The following ACVR2A variants were observed in gnomAD, a reference collection of about 807,000 sequenced individuals.
ACVR2A encodes the protein activin A receptor type 2A.
A neutral mutation model predicts 61.4 loss-of-function variants in ACVR2A; 7 were observed. The ratio of observed to expected loss-of-function variants is 0.11; its 90% confidence interval spans 0.06 to 0.21. The LOEUF is 0.21. ACVR2A is among the 10% of genes least tolerant of loss of function. The probability of loss-of-function intolerance (pLI) is 1.00; values close to 1 mark genes in which losing one functional copy is unlikely to be tolerated. For missense variants in ACVR2A, 322 were observed against 621.7 expected (o/e 0.52, Z 5.13); for synonymous variants, 193 against 208.3 (o/e 0.93, Z 0.63).
chr2:147,927,232 G>A lies in ACVR2A; in HGVS notation c.1500G>A (p.Met500Ile). ...AGGACATTGTAACAGTGGTCACAAT[G>A]GTGACAAATGTTGACTTTCCTCCCA... ...TTEDIVTVVTMVTNVDFPPKE... is the reference protein window; with the variant it reads ...TTEDIVTVVTIVTNVDFPPKE... Residue 500 changes from methionine (M) to isoleucine (I), a missense_variant, in exon 11 of 11, where the codon ATG becomes ATA. Coordinates refer to ENST00000241416, the MANE Select transcript of ACVR2A (RefSeq NM_001616.5). The A allele has an allele frequency of 6.2e-7, 1 of 1,611,678 alleles. No individual in the cohort carries two copies. The highest frequency in any genetic ancestry group is 8.5e-7 in the Non-Finnish European group (1 of 1,178,568).
intron 1 of ACVR2A, among the ~76,000 whole-genome samples, chr2:147,892,751 A>G (rs1402745377): frequency 2.0e-5 from 3 of 151,872 alleles, no homozygotes; most frequent in African/African-American, 4.8e-5. Context: ...TGATTGAAGC[A>G]TATGAAGGAA....
chr2:147,894,495 A>G (rs1686675801), intron 1 of ACVR2A, among the ~76,000 whole-genome samples: 1 of 152,032 alleles, frequency 6.6e-6, no homozygotes, highest in Non-Finnish European at 1.5e-5. Context: ...TTAACCCATG[A>G]ATACTTTTGT....
At chr2:147,859,950 T>C (rs945865874) in intron 1 of ACVR2A, among the ~76,000 whole-genome samples, 3 of 152,194 alleles carry the variant, frequency 2.0e-5, no homozygotes, top group Admixed American at 6.5e-5. Context: ...AAAGGAGCTA[T>C]GTACGACTTC....
At chr2:147,875,228 T>C (rs1686123055) in intron 1 of ACVR2A, among the ~76,000 whole-genome samples, 1 of 152,016 alleles carries the variant, frequency 6.6e-6, no homozygotes, top group African/African-American at 2.4e-5. Flanking sequence ...TTATCTGTAA[T>C]CTACCCATAA....
At chr2:147,891,795 C>T (rs571787977) in intron 1 of ACVR2A, among the ~76,000 whole-genome samples, 1 of 152,172 alleles carries the variant, frequency 6.6e-6, no homozygotes, top group South Asian at 2.1e-4. Context: ...AAAAAAATTG[C>T]CATTCCTGTT....
chr2:147,888,660 C>G (rs557798221), intron 1 of ACVR2A, among the ~76,000 whole-genome samples: 4 of 146,578 alleles, frequency 2.7e-5, no homozygotes, highest in Non-Finnish European at 6.0e-5. Flanking sequence ...CTTATTAGTT[C>G]GGGGGCTGCT....
intron 1 of ACVR2A, among the ~76,000 whole-genome samples, chr2:147,854,759 T>G (rs1405580321): frequency 1.3e-5 from 2 of 152,232 alleles, no homozygotes; most frequent in Non-Finnish European, 2.9e-5. Context: ...AGTCATAAAG[T>G]AAGTAGTCAA....
intron 1 of ACVR2A, among the ~76,000 whole-genome samples, chr2:147,877,902 G>A (rs1686200419): frequency 6.6e-6 from 1 of 152,114 alleles, no homozygotes; most frequent in Non-Finnish European, 1.5e-5. Flanking sequence ...CTGTAACTTC[G>A]ATCCTTGCTT....
intron 4 of ACVR2A, among the ~76,000 whole-genome samples, chr2:147,913,562 CTT>C (rs1317413285): frequency 9.9e-5 from 15 of 151,464 alleles, no homozygotes; most frequent in Admixed American, 9.2e-4. Flanking sequence ...CTTTTTTTCT[CTT>C]GTCTCCACAT....
intron 1 of ACVR2A, among the ~76,000 whole-genome samples, chr2:147,850,523 A>G (rs565465529): frequency 6.6e-6 from 1 of 152,208 alleles, no homozygotes; most frequent in African/African-American, 2.4e-5. Flanking sequence ...TTCATTTATC[A>G]TCTCTGTTTA....
chr2:147,846,501 A>G (rs1006976335), intron 1 of ACVR2A, among the ~76,000 whole-genome samples: 1 of 152,018 alleles, frequency 6.6e-6, no homozygotes, highest in African/African-American at 2.4e-5. Context: ...TAATAAATGG[A>G]TAAAGTCTAG....
intron 1 of ACVR2A, among the ~76,000 whole-genome samples, chr2:147,847,203 C>G (rs1040103349): frequency 2.0e-5 from 3 of 152,094 alleles, no homozygotes; most frequent in Middle Eastern, 3.4e-3. Context: ...GTTGCATAGG[C>G]TTTTTAAGAT....
chr2:147,912,649 G>C (rs1255075797), intron 4 of ACVR2A, among the ~76,000 whole-genome samples: 3 of 151,628 alleles, frequency 2.0e-5, no homozygotes, highest in Admixed American at 1.3e-4. Context: ...TACTATTATA[G>C]GATGAGTGAA....
intron 8 of ACVR2A, 71 bp from the exon 9 acceptor site, chr2:147,922,902 A>T: frequency 6.5e-7 from 1 of 1,532,952 alleles, no homozygotes; most frequent in Admixed American, 1.9e-5. Context: ...GTTTTGATTC[A>T]TCTTACAAAA....
intron 5 of ACVR2A, 49 bp downstream of exon 5, chr2:147,915,383 GTCA>G: frequency 6.2e-7 from 1 of 1,602,892 alleles, no homozygotes; most frequent in Non-Finnish European, 8.5e-7. Flanking sequence ...TTATGGCTAG[GTCA>G]TCATAACTCA....
At chr2:147,926,291 A>G (rs1687498246) in intron 10 of ACVR2A, 130 bp downstream of exon 10, 2 of 1,180,252 alleles carry the variant, frequency 1.7e-6, no homozygotes, top group Non-Finnish European at 2.4e-6. Flanking sequence ...AGGATATTCT[A>G]GAGTTCTAGA....
In ACVR2A at chr2:147,899,896, C is replaced by G; in HGVS notation, c.526C>G (p.Gln176Glu). The G allele has an allele frequency of 6.2e-7, 1 of 1,613,120 alleles. No individual in the cohort carries two copies. The highest frequency in any genetic ancestry group is 8.5e-7 in the Non-Finnish European group (1 of 1,179,402). Reference sequence around the variant, plus strand: ...CTACCCTCCTGTACTTGTTCCAACTCAAGTAAGTTATTGTCCTGTACTTTG... The same window carrying G: ...CTACCCTCCTGTACTTGTTCCAACTGAAGTAAGTTATTGTCCTGTACTTTG... Reference protein sequence around the residue: ...MAYPPVLVPTQDPGPPPPSPL... With the variant: ...MAYPPVLVPTEDPGPPPPSPL... The change falls in exon 4 of 11, where the codon CAA becomes GAA. Residue 176 changes from glutamine to glutamate, a missense_variant and splice_region_variant. Physicochemically the swap from Gln to Glu is conservative, Grantham distance 29. This residue lies in a region of ACVR2A where 146 missense variants were observed against 383.8 expected (regional missense o/e 0.38). Transcript: ENST00000241416.
intron 2 of ACVR2A, chr2:147,896,818 A>C (rs1228181945): frequency 1.3e-5 from 3 of 222,878 alleles, no homozygotes; most frequent in Non-Finnish European, 2.7e-5. Context: ...TAAGGAAAAC[A>C]TTTAAAAAAT....
chr2:147,868,927 C>T (rs1289721478), intron 1 of ACVR2A, among the ~76,000 whole-genome samples: 1 of 152,044 alleles, frequency 6.6e-6, no homozygotes. Flanking sequence ...GCCACCATGC[C>T]CAGCCTTTAT....
Sources: gnomAD v4.1 joint callset for allele counts (sites outside exome capture counted in the v4.1 genomes callset) on GRCh38, gnomAD v4.1.1 for gene constraint, gnomAD v4.1.1 regional missense constraint, MANE v1.5 for transcripts, NCBI Gene and HGNC (gene_info 2026-07-23, HGNC 2026-07-21) for gene names.